Variants in CDH12 observed in about 807,000 individuals in gnomAD.
CDH12 encodes the protein cadherin-12.
A neutral mutation model predicts 74.1 loss-of-function variants in CDH12; 41 were observed. The observed-to-expected ratio is 0.55, with a 90% CI of 0.43 to 0.72. The LOEUF (loss-of-function observed/expected upper bound fraction) is 0.72, where lower values mean the gene tolerates loss of function less well. Ranked by LOEUF, CDH12 falls within the 30% of genes least tolerant of loss-of-function variation. CDH12 has a pLI of 0.00. For missense variants in CDH12, 945 were observed against 977.2 expected (o/e 0.97, Z 0.44); for synonymous variants, 399 against 355.0 (o/e 1.12, Z -1.39).
chr5:22,116,864 C>CTTTTTTTTT (rs70957090), intron 4 of CDH12, among the ~76,000 whole-genome samples: 2 of 108,040 alleles, frequency 1.9e-5, no homozygotes, highest in African/African-American at 3.4e-5. Flanking sequence ...CTGCAAGTCT[C>CTTTTTTTTT]TTTTTTTTTT....
chr5:22,534,699 T>C (rs569266025), intron 1 of CDH12, among the ~76,000 whole-genome samples: 71 of 151,584 alleles, frequency 4.7e-4, no homozygotes, highest in Non-Finnish European at 8.5e-4. Context: ...TATGGAGGAG[T>C]ACAGGGTTCC....
In CDH12 at chr5:21,783,225, G is replaced by A; in HGVS notation, c.1393+133C>T. 1.3e-5 allele frequency: 9 copies of A among 703,668 alleles called. No individual in the cohort carries two copies. In the South Asian group the frequency reaches 1.7e-4, roughly 14 times the overall value. The allele number at this position is 703,668 out of a possible 1,614,324, so 43.6% of individuals were successfully genotyped here. On this transcript the variant is annotated intron_variant, in intron 11 of 14. Transcript: ENST00000382254. ...ACTTATGCTCTGAGGAAAAGGAATA[G>A]GTTTCTGAGTTTCCCCGCGAGACCA...
intron 1 of CDH12, among the ~76,000 whole-genome samples, chr5:22,752,037 C>A (rs1745605793): frequency 6.6e-6 from 1 of 152,098 alleles, no homozygotes; most frequent in Non-Finnish European, 1.5e-5. Context: ...GCTATCATTT[C>A]AGTGTGGAGA....
intron 3 of CDH12, among the ~76,000 whole-genome samples, chr5:22,265,561 A>T (rs1347799710): frequency 6.6e-6 from 1 of 152,144 alleles, no homozygotes; most frequent in Non-Finnish European, 1.5e-5. Context: ...ATGTGGCTCT[A>T]TTGTTTTAAC....
chr5:22,566,686 G>A (rs527332380), intron 1 of CDH12, among the ~76,000 whole-genome samples: 15 of 152,238 alleles, frequency 9.9e-5, no homozygotes, highest in Admixed American at 3.3e-4. Context: ...GTTAGCGTCC[G>A]GAATTGGGTC....
At chr5:22,314,846 A>G (rs901779700) in intron 3 of CDH12, among the ~76,000 whole-genome samples, 1 of 145,464 alleles carries the variant, frequency 6.9e-6, no homozygotes, top group African/African-American at 2.5e-5. Flanking sequence ...ATAGGTTATT[A>G]TTTTTTTTTA....
intron 1 of CDH12, among the ~76,000 whole-genome samples, chr5:22,737,053 A>G (rs555591141): frequency 2.5e-4 from 38 of 152,090 alleles, no homozygotes; most frequent in African/African-American, 9.2e-4. Flanking sequence ...ATAGAGAGAA[A>G]GCATCCCATA....
intron 3 of CDH12, among the ~76,000 whole-genome samples, chr5:22,335,004 T>C (rs1291394330): frequency 5.3e-5 from 8 of 152,026 alleles, no homozygotes. Flanking sequence ...TGGGGTTACA[T>C]CAAGTTAAAA....
At chr5:22,815,388 A>C (rs1749338052) in intron 1 of CDH12, among the ~76,000 whole-genome samples, 1 of 152,166 alleles carries the variant, frequency 6.6e-6, no homozygotes, top group Non-Finnish European at 1.5e-5. Context: ...TGTAGACTAC[A>C]GTAGAGAAAG....
intron 1 of CDH12, among the ~76,000 whole-genome samples, chr5:22,844,449 T>C (rs749945769): frequency 1.8e-4 from 28 of 152,096 alleles, no homozygotes; most frequent in Non-Finnish European, 3.7e-4. Context: ...GCTTAAAAAC[T>C]CAAAGATCTG....
intron 1 of CDH12, among the ~76,000 whole-genome samples, chr5:22,807,671 T>C (rs553889308): frequency 1.7e-4 from 26 of 152,350 alleles, no homozygotes; most frequent in African/African-American, 5.5e-4. Flanking sequence ...TACAGCATGT[T>C]ACTGTACTGA....
intron 6 of CDH12, among the ~76,000 whole-genome samples, chr5:21,898,221 T>A (rs1753214105): frequency 6.6e-6 from 1 of 152,006 alleles, no homozygotes; most frequent in Admixed American, 6.6e-5. Context: ...TTCTTTTTAA[T>A]ATTTTATTTT....
rs74443479 is a variant in CDH12 at position 22,829,985 on chromosome 5, G to A, written c.-523+23073C>T. Reference sequence around the variant, plus strand: ...GTATTTATGTCAGCATAAAACATATGTACCAGATATTAGGTTATATAATAT... The same window carrying A: ...GTATTTATGTCAGCATAAAACATATATACCAGATATTAGGTTATATAATAT... On this transcript the variant is annotated intron_variant, in intron 1 of 14. Transcript: ENST00000382254. Among the ~76,000 whole-genome samples, 859 of 152,222 alleles carry A rather than the reference G, an allele frequency of 5.6e-3. 9 individuals carry two copies. Among genetic ancestry groups the A allele is most frequent in the African/African-American group, 0.019 (806 of 41,544 alleles).
chr5:21,972,821 T>G (rs1421988374), intron 6 of CDH12, among the ~76,000 whole-genome samples: 1 of 152,040 alleles, frequency 6.6e-6, no homozygotes, highest in African/African-American at 2.4e-5. Flanking sequence ...GTGTATATTA[T>G]GTAAATTTAG....
chr5:22,330,437 T>C (rs181331872), intron 3 of CDH12, among the ~76,000 whole-genome samples: 8 of 151,980 alleles, frequency 5.3e-5, no homozygotes, highest in African/African-American at 1.2e-4. Flanking sequence ...GTGGAGGATA[T>C]GGTGAAAGAC....
intron 2 of CDH12, among the ~76,000 whole-genome samples, chr5:22,410,260 C>A (rs1174358796): frequency 1.3e-5 from 2 of 152,168 alleles, no homozygotes; most frequent in Admixed American, 1.3e-4. Context: ...AAACCAGAAT[C>A]CGTTTTCCCC....
At chr5:22,500,969 C>G (rs1171693624) in intron 2 of CDH12, among the ~76,000 whole-genome samples, 1 of 151,504 alleles carries the variant, frequency 6.6e-6, no homozygotes, top group African/African-American at 2.4e-5. Context: ...TTCCTTGCTT[C>G]TGTACTAAGG....
chr5:22,674,351 C>T (rs1013021124), intron 1 of CDH12, among the ~76,000 whole-genome samples: 2 of 152,196 alleles, frequency 1.3e-5, no homozygotes, highest in Non-Finnish European at 2.9e-5. Flanking sequence ...AAGCTCTCTT[C>T]TCTTGTCTGC....
chr5:22,696,984 G>A (rs1742404745), intron 1 of CDH12, among the ~76,000 whole-genome samples: 2 of 152,032 alleles, frequency 1.3e-5, no homozygotes, highest in South Asian at 2.1e-4. Flanking sequence ...AACTCCTACC[G>A]TGTAACCCAG....
Sources: allele counts gnomAD v4.1 joint callset (sites outside exome capture counted in the v4.1 genomes callset), GRCh38; gene constraint gnomAD v4.1.1; transcripts MANE v1.5; gene names NCBI Gene and HGNC (gene_info 2026-07-23, HGNC 2026-07-21).